The following BBX variants were observed in gnomAD, a reference collection of about 807,000 sequenced individuals.
BBX encodes the protein HMG box transcription factor BBX.
In BBX, 30 loss-of-function variants were observed where a neutral mutation model predicts 100.2. The ratio of observed to expected loss-of-function variants is 0.30; its 90% CI spans 0.22 to 0.41. The LOEUF is 0.41. BBX is among the 10% of genes least tolerant of loss of function. BBX has a pLI of 1.00. For missense variants in BBX, 1,023 were observed against 1,129.8 expected (o/e 0.91, Z 1.35); for synonymous variants, 376 against 388.1 (o/e 0.97, Z 0.37).
chr3:107,723,584 C>T (rs149116049), intron 5 of BBX, among the ~76,000 whole-genome samples: 80 of 152,034 alleles, frequency 5.3e-4, no homozygotes, highest in African/African-American at 1.6e-3. Context: ...CAACAGGCCC[C>T]GGTGTGTGAT....
intron 2 of BBX, among the ~76,000 whole-genome samples, chr3:107,544,084 C>A (rs1160570091): frequency 2.0e-5 from 3 of 152,068 alleles, no homozygotes; most frequent in Non-Finnish European, 4.4e-5. Context: ...ATCTTTTGTC[C>A]TGCAGTTCAG....
chr3:107,657,568 A>G (rs1296345155), intron 3 of BBX, among the ~76,000 whole-genome samples: 3 of 152,112 alleles, frequency 2.0e-5, no homozygotes, highest in African/African-American at 7.2e-5. Flanking sequence ...TTAGGAGGCA[A>G]TGGAGGGTAT....
At chr3:107,632,842 T>A (rs1335399857) in intron 2 of BBX, among the ~76,000 whole-genome samples, 1 of 152,232 alleles carries the variant, frequency 6.6e-6, no homozygotes, top group African/African-American at 2.4e-5. Flanking sequence ...GCTAAGTCTG[T>A]AAGATACAAA....
chr3:107,760,962 AT>A (rs1197848088), intron 10 of BBX, among the ~76,000 whole-genome samples: 4 of 152,312 alleles, frequency 2.6e-5, no homozygotes, highest in Middle Eastern at 3.4e-3. Context: ...CATGAGAACA[AT>A]TGCTCAGAGT....
At chr3:107,641,038 T>G (rs1407017797) in intron 2 of BBX, among the ~76,000 whole-genome samples, 1 of 152,114 alleles carries the variant, frequency 6.6e-6, no homozygotes, top group Non-Finnish European at 1.5e-5. Context: ...ATCATTTGCC[T>G]TGCTATTCTG....
Position 107,624,057 on chromosome 3 carries a change from C to T in BBX, c.-83-21779C>T, listed in dbSNP as rs79574845. 2.4e-4 allele frequency among the ~76,000 whole-genome samples: 36 copies of T among 152,276 alleles called. No homozygotes were observed. The East Asian group carries it at 7.0e-3, about 29-fold the overall frequency. On this transcript the variant is annotated intron_variant, in intron 2 of 17. Transcript: ENST00000325805. ...CAGATTATAAGCATCAATCTAGGCTCATGGTTGAGTCTGCTCAGAAGCCAG... is the reference window on the plus strand; with the variant it reads ...CAGATTATAAGCATCAATCTAGGCTTATGGTTGAGTCTGCTCAGAAGCCAG...
Position 107,801,290 on chromosome 3 carries a change from T to A in BBX, c.2738+9T>A. ...ATGGAAAATGTGCACAGGTTAGTGGTAGAAGGTGGAAGGAGAAAGCAACAT... is the reference window on the plus strand; with the variant it reads ...ATGGAAAATGTGCACAGGTTAGTGGAAGAAGGTGGAAGGAGAAAGCAACAT... On this transcript the variant is annotated intron_variant, in intron 17 of 17. Transcript: ENST00000325805. The A allele has an allele frequency of 6.2e-7, 1 of 1,610,390 alleles. No individual in the cohort carries two copies. The highest frequency in any genetic ancestry group is 2.2e-5 in the East Asian group (1 of 44,810).
chr3:107,571,235 G>A (rs1207230363), intron 2 of BBX, among the ~76,000 whole-genome samples: 1 of 152,074 alleles, frequency 6.6e-6, no homozygotes, highest in Non-Finnish European at 1.5e-5. Context: ...ATGTGGGTGA[G>A]CAGCCAAAGC....
At chr3:107,672,065 C>T (rs1049114700) in intron 3 of BBX, among the ~76,000 whole-genome samples, 2 of 151,926 alleles carry the variant, frequency 1.3e-5, no homozygotes, top group African/African-American at 4.8e-5. Context: ...AACTTGGAGG[C>T]AAATTGGAAA....
intron 2 of BBX, among the ~76,000 whole-genome samples, chr3:107,624,774 C>G (rs1001418243): frequency 6.6e-6 from 1 of 152,178 alleles, no homozygotes; most frequent in African/African-American, 2.4e-5. Context: ...GAGGCTGAGG[C>G]ACAAGAATCG....
chr3:107,553,707 C>T (rs552562208), intron 2 of BBX, among the ~76,000 whole-genome samples: 1 of 152,154 alleles, frequency 6.6e-6, no homozygotes, highest in Non-Finnish European at 1.5e-5. Flanking sequence ...TCACTGAGAA[C>T]TTGAGGTCTA....
At chr3:107,600,217 C>T (rs2053968858) in intron 2 of BBX, among the ~76,000 whole-genome samples, 1 of 152,114 alleles carries the variant, frequency 6.6e-6, no homozygotes, top group African/African-American at 2.4e-5. Flanking sequence ...TGTTTTTATT[C>T]AGTAGTCAGA....
intron 1 of BBX, chr3:107,524,034 GGAA>G (rs2047563864): frequency 6.5e-6 from 1 of 152,708 alleles, no homozygotes; most frequent in Admixed American, 6.5e-5. Flanking sequence ...AGAACGGGAG[GGAA>G]GAGAGGAGGG....
chr3:107,783,200 G>C (rs2068076492), intron 13 of BBX, among the ~76,000 whole-genome samples: 1 of 152,066 alleles, frequency 6.6e-6, no homozygotes, highest in African/African-American at 2.4e-5. Flanking sequence ...CTGCTTCTCA[G>C]TGACTACAAT....
At chr3:107,710,404 T>G (rs1306439980) in intron 3 of BBX, 48 bp from the exon 4 acceptor site, 1 of 1,468,434 alleles carries the variant, frequency 6.8e-7, no homozygotes, top group African/African-American at 1.4e-5. Flanking sequence ...TCGGTGTCTC[T>G]CTTTCTCTCC....
intron 2 of BBX, among the ~76,000 whole-genome samples, chr3:107,553,535 T>A (rs2049857989): frequency 6.6e-6 from 1 of 152,164 alleles, no homozygotes; most frequent in Non-Finnish European, 1.5e-5. Flanking sequence ...GAGAACTGTG[T>A]CTATGAGGGC....
At chr3:107,570,790 A>G (rs1313574846) in intron 2 of BBX, among the ~76,000 whole-genome samples, 1 of 152,088 alleles carries the variant, frequency 6.6e-6, no homozygotes, top group Admixed American at 6.5e-5. Context: ...AAAGGACTCA[A>G]GAGTTTGGGG....
intron 9 of BBX, among the ~76,000 whole-genome samples, chr3:107,749,882 C>T (rs1308589241): frequency 1.3e-5 from 2 of 152,152 alleles, no homozygotes; most frequent in East Asian, 3.9e-4. Flanking sequence ...GATCCGCCCG[C>T]CTCGGCCTTC....
chr3:107,702,157 G>A (rs960562698), intron 3 of BBX, among the ~76,000 whole-genome samples: 2 of 152,254 alleles, frequency 1.3e-5, no homozygotes, highest in Non-Finnish European at 2.9e-5. Context: ...GAAGAAAAAT[G>A]GTTGGAGAAG....
Sources: gnomAD v4.1 joint callset for allele counts (sites outside exome capture counted in the v4.1 genomes callset) on GRCh38, gnomAD v4.1.1 for gene constraint, MANE v1.5 for transcripts, NCBI Gene and HGNC (gene_info 2026-07-23, HGNC 2026-07-21) for gene names.